Variants in ZC3H15 observed in about 807,000 individuals in gnomAD.
ZC3H15 encodes zinc finger CCCH-type containing 15.
A neutral mutation model predicts 51.2 loss-of-function variants in ZC3H15; 15 were observed. The observed-to-expected ratio is 0.29, with a 90% CI of 0.20 to 0.45. The LOEUF (loss-of-function observed/expected upper bound fraction) is 0.45, where lower values mean the gene tolerates loss of function less well. Ranked by LOEUF, ZC3H15 falls within the 20% of genes least tolerant of loss-of-function variation. The pLI, the probability that ZC3H15 is intolerant of heterozygous loss-of-function variation, is 1.00. For synonymous variants in ZC3H15, 144 were observed against 162.8 expected (o/e 0.88, Z 0.88); for missense variants, 381 against 494.7 (o/e 0.77, Z 2.18).
Position 186,505,800 on chromosome 2 carries a change from G to A in ZC3H15, c.925G>A (p.Ala309Thr). 6.2e-7 allele frequency: 1 copy of A among 1,614,092 alleles called. No individual in the cohort carries two copies. Among genetic ancestry groups the A allele is most frequent in the Non-Finnish European group, 8.5e-7 (1 of 1,180,004 alleles). ...ACTGGTCAATGATGATGATGAGGAA[G>A]CAGATGATACCCGCTACACCCAGGG... ...PELVNDDDEE[A>T]DDTRYTQGTG... The change falls in exon 8 of 10, where the codon GCA becomes ACA. Residue 309 changes from alanine to threonine, a missense_variant. Ala to Thr is a moderately conservative substitution (Grantham distance 58). Coordinates refer to ENST00000337859, the MANE Select transcript of ZC3H15 (RefSeq NM_018471.3).
chr2:186,503,867 T>C (rs1685425924), intron 5 of ZC3H15, among the ~76,000 whole-genome samples, 165 bp from the exon 6 acceptor site: 1 of 152,232 alleles, frequency 6.6e-6, no homozygotes, highest in Non-Finnish European at 1.5e-5. Flanking sequence ...GTTGCATTTC[T>C]GCACAGAATA....
chr2:186,489,197 A>C (rs1239296504), intron 1 of ZC3H15: 1 of 152,226 alleles, frequency 6.6e-6, no homozygotes. Context: ...TACTGCAACA[A>C]AGTTTGTCAG....
intron 1 of ZC3H15, among the ~76,000 whole-genome samples, chr2:186,494,148 G>C (rs1361367954): frequency 6.6e-6 from 1 of 151,708 alleles, no homozygotes; most frequent in African/African-American, 2.4e-5. Flanking sequence ...ATCACCATTA[G>C]TGCTTAGCAC....
At chr2:186,495,598 A>G (rs1357123139) in intron 2 of ZC3H15, among the ~76,000 whole-genome samples, 2 of 152,192 alleles carry the variant, frequency 1.3e-5, no homozygotes, top group Non-Finnish European at 2.9e-5. Flanking sequence ...ACTGTTCATA[A>G]GTGATCACTT....
chr2:186,488,176 T>G (rs1023273393), intron 1 of ZC3H15, among the ~76,000 whole-genome samples: 6 of 152,150 alleles, frequency 3.9e-5, no homozygotes, highest in African/African-American at 1.4e-4. Context: ...TTAATTTATT[T>G]TTTGTTGAGG....
rs1574427138 is a variant in ZC3H15 at position 186,504,284 on chromosome 2, C to T, written c.717+70C>T. On this transcript the variant is annotated intron_variant, in intron 6 of 9. Coordinates refer to ENST00000337859, the MANE Select transcript of ZC3H15 (RefSeq NM_018471.3). ...TATTGTGAAATTCTAATACTTACCA[C>T]TTGGGGCAATAGCCTTTTATGAAAG... 42 of 1,211,210 alleles carry T rather than the reference C, an allele frequency of 3.5e-5. No homozygotes were observed. In the East Asian group the frequency reaches 1.2e-3, roughly 35 times the overall value. The allele number at this position is 1,211,210 out of a possible 1,614,324, so 75.0% of individuals were successfully genotyped here.
At chr2:186,491,542 T>C (rs560781816) in intron 1 of ZC3H15, among the ~76,000 whole-genome samples, 5 of 152,254 alleles carry the variant, frequency 3.3e-5, no homozygotes, top group Non-Finnish European at 7.4e-5. Context: ...CTGAGGTAAA[T>C]CTTTTAACTT....
intron 1 of ZC3H15, among the ~76,000 whole-genome samples, chr2:186,494,714 G>T (rs766690133): frequency 1.3e-5 from 2 of 151,924 alleles, no homozygotes; most frequent in African/African-American, 2.4e-5. Flanking sequence ...GCAAACTATC[G>T]CAAGGACAAA....
intron 3 of ZC3H15, chr2:186,500,782 G>T (rs1454276616): frequency 4.5e-6 from 2 of 440,220 alleles, no homozygotes; most frequent in Admixed American, 2.4e-5. Flanking sequence ...TCAAGCCATT[G>T]TCCTGCCTCA....
At chr2:186,501,481 T>C in intron 4 of ZC3H15, 56 bp downstream of exon 4, 1 of 1,402,788 alleles carries the variant, frequency 7.1e-7, no homozygotes, top group Non-Finnish European at 9.7e-7. Context: ...TTCGGTTTGC[T>C]ACTAAGATAT....
At chr2:186,501,786 A>G (rs976444299) in intron 4 of ZC3H15, among the ~76,000 whole-genome samples, 4 of 150,996 alleles carry the variant, frequency 2.6e-5, no homozygotes, top group African/African-American at 9.8e-5. Context: ...ATCTCAGCTC[A>G]CTGCAGTCTC....
chr2:186,486,712 GCGAAATGACC>G (rs200732749), intron 1 of ZC3H15, among the ~76,000 whole-genome samples: 2,785 of 152,324 alleles, frequency 0.018, 42 homozygotes, highest in Non-Finnish European at 0.029. Flanking sequence ...GCACCCGGGT[GCGAAATGACC>G]CCTCGGGACT....
At chr2:186,503,302 T>C (rs1359485978) in intron 5 of ZC3H15, among the ~76,000 whole-genome samples, 4 of 152,230 alleles carry the variant, frequency 2.6e-5, no homozygotes, top group Non-Finnish European at 5.9e-5. Context: ...TGTGTTCCTT[T>C]TGTACCTTGC....
At chr2:186,507,288 G>C in intron 9 of ZC3H15, 1 of 392,944 alleles carries the variant, frequency 2.5e-6, no homozygotes, top group Non-Finnish European at 5.0e-6. Context: ...ATATAAATAA[G>C]TTACTGGTTG....
chr2:186,492,646 C>T (rs887048719), intron 1 of ZC3H15, among the ~76,000 whole-genome samples: 1 of 152,140 alleles, frequency 6.6e-6, no homozygotes, highest in African/African-American at 2.4e-5. Context: ...ATTGAAAGAT[C>T]TTTTACTGAT....
At chr2:186,498,379 G>A (rs952582254) in intron 2 of ZC3H15, among the ~76,000 whole-genome samples, 2 of 151,988 alleles carry the variant, frequency 1.3e-5, no homozygotes, top group Non-Finnish European at 2.9e-5. Flanking sequence ...TGTCGAGTAG[G>A]GTTACAGACC....
At chr2:186,491,536 G>A (rs1289657165) in intron 1 of ZC3H15, among the ~76,000 whole-genome samples, 2 of 152,112 alleles carry the variant, frequency 1.3e-5, no homozygotes, top group African/African-American at 2.4e-5. Flanking sequence ...GTCTCTCTGA[G>A]GTAAATCTTT....
intron 2 of ZC3H15, among the ~76,000 whole-genome samples, chr2:186,498,785 C>CTAAA (rs1008403322): frequency 6.6e-5 from 10 of 152,014 alleles, no homozygotes; most frequent in Non-Finnish European, 1.2e-4. Context: ...AGGAAGTGTC[C>CTAAA]TTTACTCTTG....
chr2:186,497,696 T>TTC (rs1685305424), intron 2 of ZC3H15, among the ~76,000 whole-genome samples: 1 of 152,008 alleles, frequency 6.6e-6, no homozygotes, highest in Admixed American at 6.5e-5. Flanking sequence ...AATCCTGCTT[T>TTC]CTCTTCCCCA....
Sources: allele counts gnomAD v4.1 joint callset (sites outside exome capture counted in the v4.1 genomes callset), GRCh38; gene constraint gnomAD v4.1.1; transcripts MANE v1.5; gene names NCBI Gene and HGNC (gene_info 2026-07-23, HGNC 2026-07-21).